Variants in LRRK1 observed in about 807,000 individuals in gnomAD.
LRRK1 encodes leucine rich repeat kinase 1, also known as leucine-rich repeat serine/threonine-protein kinase 1.
Under a neutral mutation model 209.1 loss-of-function variants are expected in LRRK1, and 113 were observed. The observed-to-expected ratio is 0.54, with a 90% CI of 0.46 to 0.63. The LOEUF (loss-of-function observed/expected upper bound fraction) is 0.63. LRRK1 is among the 30% of genes least tolerant of loss of function. The probability of loss-of-function intolerance (pLI) is 0.00; values close to 1 mark genes in which losing one functional copy is unlikely to be tolerated. For missense variants in LRRK1, 2,284 were observed against 2,632.2 expected (o/e 0.87, Z 2.89); for synonymous variants, 1,144 against 1,099.7 (o/e 1.04, Z -0.80).
At chr15:100,993,979 A>G (rs2032283310) in intron 6 of LRRK1, among the ~76,000 whole-genome samples, 1 of 152,244 alleles carries the variant, frequency 6.6e-6, no homozygotes, top group Non-Finnish European at 1.5e-5. Context: ...CACTTAGCAC[A>G]GGCCCTGGCA....
intron 1 of LRRK1, 57 bp from the exon 2 acceptor site, chr15:100,924,454 A>C (rs2042073169): frequency 3.4e-6 from 2 of 591,322 alleles, no homozygotes; most frequent in Admixed American, 2.9e-5. Flanking sequence ...AAATATTTGC[A>C]GGGGAGGAGG....
At chr15:100,961,608 G>A (rs1169804483) in intron 2 of LRRK1, among the ~76,000 whole-genome samples, 2 of 149,744 alleles carry the variant, frequency 1.3e-5, no homozygotes, top group Non-Finnish European at 2.9e-5. Flanking sequence ...AGCCGAGATC[G>A]CGCCACCGCA....
intron 4 of LRRK1, 96 bp from the exon 5 acceptor site, chr15:100,988,538 C>A: frequency 9.2e-7 from 1 of 1,087,464 alleles, no homozygotes; most frequent in Non-Finnish European, 1.4e-6. Flanking sequence ...TTTATTTAAC[C>A]AGTCCATTGC....
chr15:100,973,495 G>A (rs942475415), intron 2 of LRRK1, among the ~76,000 whole-genome samples: 2 of 151,964 alleles, frequency 1.3e-5, no homozygotes, highest in African/African-American at 2.4e-5. Flanking sequence ...GCTGCTGTCG[G>A]CGAGGTCGGC....
At chr15:101,031,009 G>C (rs888292556) in intron 20 of LRRK1, among the ~76,000 whole-genome samples, 5 of 152,118 alleles carry the variant, frequency 3.3e-5, no homozygotes, top group African/African-American at 1.2e-4. Flanking sequence ...TACGATGTTG[G>C]GTTTCCCATT....
chr15:101,020,532 C>T (rs890281177), intron 12 of LRRK1, among the ~76,000 whole-genome samples: 14 of 151,988 alleles, frequency 9.2e-5, no homozygotes, highest in Non-Finnish European at 1.3e-4. Context: ...CCCACCATCA[C>T]GCCTGGCTAA....
In LRRK1 at chr15:100,938,025, ATT is replaced by A. The variant is rs60742125; in HGVS notation, c.97+13309_97+13310del. On this transcript the variant is annotated intron_variant, in intron 2 of 33. Coordinates refer to ENST00000388948, the MANE Select transcript of LRRK1 (RefSeq NM_024652.6). ...ACCACCATGCTTGGCTAATTTTTGTATTTTTTTTTTTTTTGTAGAGATGGGGG... is the reference window on the plus strand; with the variant it reads ...ACCACCATGCTTGGCTAATTTTTGTATTTTTTTTTTTTGTAGAGATGGGGG... Among the ~76,000 whole-genome samples, 1,126 of 140,240 alleles carry A rather than the reference ATT, an allele frequency of 8.0e-3. 10 individuals are homozygous for A. The highest frequency in any genetic ancestry group is 0.027 in the African/African-American group (1,060 of 39,232). 92.0% of individuals were successfully genotyped at this position (140,240 alleles called of 152,430 possible).
intron 29 of LRRK1, among the ~76,000 whole-genome samples, chr15:101,060,685 T>G (rs1343956053): frequency 1.3e-5 from 2 of 152,262 alleles, no homozygotes; most frequent in African/African-American, 4.8e-5. Context: ...GAGACAGCGA[T>G]GCCGGGGACA....
chr15:100,936,849 A>G (rs755397278), intron 2 of LRRK1, among the ~76,000 whole-genome samples: 7 of 152,240 alleles, frequency 4.6e-5, no homozygotes, highest in Non-Finnish European at 7.3e-5. Flanking sequence ...TGTTTTGTCA[A>G]TCCTGCTCCT....
At chr15:100,928,625 G>A (rs903353764) in intron 2 of LRRK1, among the ~76,000 whole-genome samples, 1 of 152,226 alleles carries the variant, frequency 6.6e-6, no homozygotes, top group African/African-American at 2.4e-5. Context: ...TTCCACGTGT[G>A]CGTTAGAAAA....
intron 3 of LRRK1, among the ~76,000 whole-genome samples, chr15:100,974,568 A>G (rs1317104750): frequency 6.6e-6 from 1 of 152,216 alleles, no homozygotes. Flanking sequence ...GTCTCCTTCA[A>G]TGGCTACGTG....
chr15:100,957,716 A>G (rs7497343), intron 2 of LRRK1, among the ~76,000 whole-genome samples: 120,695 of 152,218 alleles, frequency 0.79, 48,103 homozygotes, highest in East Asian at 0.97. Flanking sequence ...TATAGGTAGC[A>G]TATTGCTGGT....
chr15:100,926,051 C>T (rs1250823983), intron 2 of LRRK1, among the ~76,000 whole-genome samples: 1 of 152,202 alleles, frequency 6.6e-6, no homozygotes, highest in Admixed American at 6.5e-5. Flanking sequence ...CTGAAATGTC[C>T]AGCAGCTGAC....
In LRRK1 at chr15:100,970,876, C is replaced by T. The variant is rs140714826; in HGVS notation, c.98-2928C>T. On this transcript the variant is annotated intron_variant, in intron 2 of 33. Coordinates refer to ENST00000388948, the MANE Select transcript of LRRK1 (RefSeq NM_024652.6). ...TTCTCTCAGCAATGTTTTATGTTTT[C>T]AGCGTACAGATCTTGCCCATCTTTT... Among the ~76,000 whole-genome samples the T allele has an allele frequency of 2.2e-3, 331 of 152,216 alleles. 4 individuals are homozygous for T. Among genetic ancestry groups the T allele is most frequent in the South Asian group, 5.0e-3 (24 of 4,824 alleles).
At position 100,962,823 on chromosome 15, in the gene LRRK1, A is replaced by AT. The variant is rs1161979293; in HGVS notation, c.98-10964dup. Among the ~76,000 whole-genome samples the AT allele has an allele frequency of 7.2e-3, 83 of 11,542 alleles. 11 individuals carry two copies. The highest frequency in any genetic ancestry group is 0.019 in the African/African-American group (76 of 3,960). 7.6% of individuals were successfully genotyped at this position (11,542 alleles called of 152,430 possible). ...TATATATATATATATATATATATAT[A>AT]TTTTTTTTTTTTTTTTTGAGATGGA... On this transcript the variant is annotated intron_variant, in intron 2 of 33. Transcript: ENST00000388948.
intron 2 of LRRK1, among the ~76,000 whole-genome samples, chr15:100,970,184 G>GAGCCACCGCACC (rs1206043074): frequency 6.6e-6 from 1 of 152,068 alleles, no homozygotes; most frequent in African/African-American, 2.4e-5. Flanking sequence ...GCCACCGCAT[G>GAGCCACCGCACC]AGCCACCGCA....
intron 13 of LRRK1, chr15:101,021,610 G>C: frequency 3.7e-6 from 2 of 538,862 alleles, no homozygotes; most frequent in South Asian, 5.2e-5. Flanking sequence ...AGGAAAGTTG[G>C]GGGAGGGGAC....
At chr15:100,998,254 G>A (rs1253605666) in intron 6 of LRRK1, among the ~76,000 whole-genome samples, 4 of 151,134 alleles carry the variant, frequency 2.6e-5, no homozygotes, top group Non-Finnish European at 5.9e-5. Flanking sequence ...TGCTGTACCA[G>A]CAAGCAGACC....
chr15:100,969,978 T>C (rs1188458157), intron 2 of LRRK1, among the ~76,000 whole-genome samples: 1 of 152,040 alleles, frequency 6.6e-6, no homozygotes, highest in African/African-American at 2.4e-5. Context: ...AACCTCTGCC[T>C]CCCAGGTTCA....
Sources: allele counts gnomAD v4.1 joint callset (sites outside exome capture counted in the v4.1 genomes callset), GRCh38; gene constraint gnomAD v4.1.1; transcripts MANE v1.5; gene names NCBI Gene and HGNC (gene_info 2026-07-23, HGNC 2026-07-21).